MGMT: variants seen among roughly 807,000 people sequenced by gnomAD.
MGMT encodes methylated-DNA--protein-cysteine methyltransferase.
MGMT carries 14 observed loss-of-function variants against 15.9 expected under a neutral mutation model. The observed-to-expected ratio is 0.88, with a 90% CI of 0.58 to 1.37. The LOEUF (loss-of-function observed/expected upper bound fraction) is 1.37. MGMT is among the 40% of genes most tolerant of loss of function. The pLI is 0.00. For synonymous variants in MGMT, 130 were observed against 118.2 expected (o/e 1.10, Z -0.65); for missense variants, 282 against 268.1 (o/e 1.05, Z -0.36).
chr10:129,472,432 G>A (rs1445726271), intron 1 of MGMT, among the ~76,000 whole-genome samples: 2 of 151,992 alleles, frequency 1.3e-5, no homozygotes, highest in African/African-American at 4.8e-5. Context: ...CTCACGGAAG[G>A]ATGAAACGAG....
intron 2 of MGMT, among the ~76,000 whole-genome samples, chr10:129,666,618 C>CT (rs1473837444): frequency 1.3e-4 from 20 of 152,164 alleles, no homozygotes; most frequent in African/African-American, 4.6e-4. Flanking sequence ...GGCCATTCTG[C>CT]TAAATTCTCT....
intron 2 of MGMT, among the ~76,000 whole-genome samples, chr10:129,650,193 G>C (rs1261884391): frequency 1.3e-5 from 2 of 152,194 alleles, no homozygotes; most frequent in African/African-American, 4.8e-5. Context: ...GTGGTTTTGA[G>C]ACCACCAGTG....
Position 129,489,316 on chromosome 10 carries a change from C to T in MGMT, c.-13+22020C>T, listed in dbSNP as rs184523921. On this transcript the variant is annotated intron_variant, in intron 1 of 4. Coordinates refer to ENST00000651593, the MANE Select transcript of MGMT (RefSeq NM_002412.5). Reference sequence around the variant, plus strand: ...CGGAGGTTGCAGTGAGCTGAGATAGCGCCATTGCACTCCAGCCTGGGTGAC... The same window carrying T: ...CGGAGGTTGCAGTGAGCTGAGATAGTGCCATTGCACTCCAGCCTGGGTGAC... Among the ~76,000 whole-genome samples the T allele has an allele frequency of 3.2e-3, 457 of 140,826 alleles. 5 individuals are homozygous for T. Among genetic ancestry groups the T allele is most frequent in the African/African-American group, 0.011 (421 of 36,884 alleles). The allele number at this position is 140,826 out of a possible 152,430, so 92.4% of individuals were successfully genotyped here.
chr10:129,553,124 G>A (rs1487833838), intron 2 of MGMT, among the ~76,000 whole-genome samples: 1 of 152,162 alleles, frequency 6.6e-6, no homozygotes, highest in Non-Finnish European at 1.5e-5. Flanking sequence ...GGTTCAGTAA[G>A]CAAATGCAAA....
intron 1 of MGMT, among the ~76,000 whole-genome samples, chr10:129,513,475 C>T (rs1233416833): frequency 6.6e-6 from 1 of 152,070 alleles, no homozygotes; most frequent in Non-Finnish European, 1.5e-5. Flanking sequence ...GGTTATTTGG[C>T]ACCACCGGCG....
At chr10:129,715,109 T>G (rs961217815) in intron 3 of MGMT, among the ~76,000 whole-genome samples, 12 of 152,218 alleles carry the variant, frequency 7.9e-5, no homozygotes, top group African/African-American at 2.9e-4. Context: ...CTTCCAAACC[T>G]TGGTGGACAT....
chr10:129,732,235 A>G lies in MGMT; in HGVS notation c.274+24192A>G, dbSNP rs974794951. ...TTTGTTACGTAGGTATACATGTGCTATGTTGGTGTGCTGCACCCATCTATT... is the reference window on the plus strand; with the variant it reads ...TTTGTTACGTAGGTATACATGTGCTGTGTTGGTGTGCTGCACCCATCTATT... On this transcript the variant is annotated intron_variant, in intron 3 of 4. Coordinates refer to ENST00000651593, the MANE Select transcript of MGMT (RefSeq NM_002412.5). Among the ~76,000 whole-genome samples, 8 of 152,132 alleles carry G rather than the reference A, an allele frequency of 5.3e-5. No homozygotes were observed. The South Asian group carries it at 6.2e-4, about 12-fold the overall frequency.
At chr10:129,495,413 A>G (rs1026405402) in intron 1 of MGMT, among the ~76,000 whole-genome samples, 1 of 152,222 alleles carries the variant, frequency 6.6e-6, no homozygotes, top group African/African-American at 2.4e-5. Context: ...ATTTGTTCTA[A>G]TGGAGTGCTT....
chr10:129,540,867 C>T (rs965339595), intron 2 of MGMT, among the ~76,000 whole-genome samples: 1 of 152,202 alleles, frequency 6.6e-6, no homozygotes, highest in African/African-American at 2.4e-5. Flanking sequence ...GTGCTGCCTT[C>T]CCTCATCTCG....
intron 1 of MGMT, among the ~76,000 whole-genome samples, chr10:129,524,739 C>T (rs905695687): frequency 6.6e-6 from 1 of 151,852 alleles, no homozygotes; most frequent in African/African-American, 2.4e-5. Context: ...CTACAGACGC[C>T]TGCCACCATG....
chr10:129,495,436 G>A lies in MGMT; in HGVS notation c.-13+28140G>A, dbSNP rs946571161. 2.0e-5 allele frequency among the ~76,000 whole-genome samples: 3 copies of A among 152,218 alleles called. No homozygotes were observed. In the East Asian group the frequency reaches 5.8e-4, roughly 29 times the overall value. On this transcript the variant is annotated intron_variant, in intron 1 of 4. Transcript: ENST00000651593. ...TAATGGAGTGCTTATTACAGTCGGT[G>A]CATTTTTACCCCACGGATCAGAAGC...
At position 129,631,441 on chromosome 10, in the gene MGMT, CAAT is replaced by C. The variant is rs963143547; in HGVS notation, c.126-76453_126-76451del. 1.2e-4 allele frequency among the ~76,000 whole-genome samples: 19 copies of C among 152,164 alleles called. 1 individual carries two copies. Among genetic ancestry groups the C allele is most frequent in the Admixed American group, 9.8e-4 (15 of 15,278 alleles). On this transcript the variant is annotated intron_variant, in intron 2 of 4. Coordinates refer to ENST00000651593, the MANE Select transcript of MGMT (RefSeq NM_002412.5). ...GTTTCAGGGTTGTTTACATTAATAA[CAAT>C]GATGGCTTACATGTATGTATGGTTT...
At chr10:129,766,571 C>G (rs1189683660) in intron 4 of MGMT, among the ~76,000 whole-genome samples, 2 of 152,236 alleles carry the variant, frequency 1.3e-5, no homozygotes, top group Non-Finnish European at 2.9e-5. Flanking sequence ...CGTCCCTCCC[C>G]CAACCCGTGC....
intron 2 of MGMT, among the ~76,000 whole-genome samples, chr10:129,607,140 G>A (rs181836244): frequency 5.9e-4 from 90 of 152,116 alleles, no homozygotes; most frequent in Non-Finnish European, 4.0e-4. Flanking sequence ...GTAACTTCTT[G>A]GAAGTGCAGT....
chr10:129,603,623 A>G (rs1008933497), intron 2 of MGMT, among the ~76,000 whole-genome samples: 9 of 152,240 alleles, frequency 5.9e-5, no homozygotes, highest in Non-Finnish European at 1.2e-4. Flanking sequence ...ATTGGAATCT[A>G]TTATAGAGCA....
At chr10:129,631,228 A>G (rs1847206329) in intron 2 of MGMT, among the ~76,000 whole-genome samples, 1 of 152,130 alleles carries the variant, frequency 6.6e-6, no homozygotes, top group Non-Finnish European at 1.5e-5. Context: ...ACGTAGCCTG[A>G]GATTTACACA....
At chr10:129,708,140 G>A in intron 3 of MGMT, 97 bp downstream of exon 3, 1 of 1,464,914 alleles carries the variant, frequency 6.8e-7, no homozygotes, top group Non-Finnish European at 9.2e-7. Flanking sequence ...TACCAACTTG[G>A]TATTTTTACA....
At chr10:129,612,787 G>A (rs1034495680) in intron 2 of MGMT, among the ~76,000 whole-genome samples, 6 of 152,172 alleles carry the variant, frequency 3.9e-5, no homozygotes, top group South Asian at 4.1e-4. Flanking sequence ...GGAGGTCTTC[G>A]TTTCGGCATC....
intron 2 of MGMT, among the ~76,000 whole-genome samples, chr10:129,637,580 C>G (rs1209616583): frequency 6.6e-6 from 1 of 152,204 alleles, no homozygotes. Flanking sequence ...GTGCAAGTGA[C>G]TTGTGTTCCC....
Sources: gnomAD v4.1 joint callset for allele counts (sites outside exome capture counted in the v4.1 genomes callset) on GRCh38, gnomAD v4.1.1 for gene constraint, MANE v1.5 for transcripts, NCBI Gene and HGNC (gene_info 2026-07-23, HGNC 2026-07-21) for gene names.